XYLT1: variants seen among roughly 807,000 people sequenced by gnomAD.
XYLT1 encodes xylosyltransferase 1.
Under a neutral mutation model 91.3 loss-of-function variants are expected in XYLT1, and 36 were observed. The ratio of observed to expected loss-of-function variants is 0.39; its 90% CI spans 0.30 to 0.52. The LOEUF is 0.52. Ranked by LOEUF, XYLT1 falls within the 20% of genes least tolerant of loss-of-function variation. The pLI, the probability that XYLT1 is intolerant of heterozygous loss-of-function variation, is 0.68. For missense variants in XYLT1, 1,242 were observed against 1,284.5 expected (o/e 0.97, Z 0.51); for synonymous variants, 588 against 532.0 (o/e 1.11, Z -1.45).
At chr16:17,394,767 C>A (rs1356326592) in intron 1 of XYLT1, among the ~76,000 whole-genome samples, 2 of 152,112 alleles carry the variant, frequency 1.3e-5, no homozygotes, top group Non-Finnish European at 2.9e-5. Context: ...TACCTATAGG[C>A]AAAAGGTCAG....
At chr16:17,260,247 A>G (rs1221633550) in intron 2 of XYLT1, among the ~76,000 whole-genome samples, 1 of 152,104 alleles carries the variant, frequency 6.6e-6, no homozygotes, top group African/African-American at 2.4e-5. Context: ...GAAGGGCTGG[A>G]CCCCAAACTC....
intron 1 of XYLT1, among the ~76,000 whole-genome samples, chr16:17,451,649 G>A (rs2036667197): frequency 6.6e-6 from 1 of 152,172 alleles, no homozygotes; most frequent in Admixed American, 6.5e-5. Flanking sequence ...GATTATCAAT[G>A]GCTGTTGCTG....
intron 1 of XYLT1, among the ~76,000 whole-genome samples, chr16:17,407,548 C>A (rs1238292868): frequency 6.6e-6 from 1 of 152,212 alleles, no homozygotes; most frequent in Admixed American, 6.5e-5. Flanking sequence ...TCCTGCTCAG[C>A]CTCCCATGTG....
intron 2 of XYLT1, among the ~76,000 whole-genome samples, chr16:17,348,572 ATGT>A (rs1306585977): frequency 4.6e-5 from 7 of 152,042 alleles, no homozygotes; most frequent in Non-Finnish European, 8.8e-5. Flanking sequence ...TCGCCAAGGG[ATGT>A]TGTTATGAGG....
At chr16:17,160,044 A>G (rs554025183) in intron 5 of XYLT1, among the ~76,000 whole-genome samples, 64 of 152,378 alleles carry the variant, frequency 4.2e-4, no homozygotes, top group African/African-American at 1.4e-3. Flanking sequence ...TGGGGTTATA[A>G]TAGAAGCTAG....
intron 4 of XYLT1, among the ~76,000 whole-genome samples, chr16:17,199,911 A>G (rs1212765745): frequency 6.6e-6 from 1 of 152,126 alleles, no homozygotes; most frequent in Non-Finnish European, 1.5e-5. Context: ...GGCATTGGGT[A>G]GAGGGGAGAG....
At chr16:17,247,053 A>C (rs182847152) in intron 3 of XYLT1, among the ~76,000 whole-genome samples, 162 of 152,310 alleles carry the variant, frequency 1.1e-3, no homozygotes, top group African/African-American at 3.7e-3. Context: ...ACTGCCAAGT[A>C]ATTTGAGAGA....
intron 1 of XYLT1, among the ~76,000 whole-genome samples, chr16:17,379,990 T>A (rs56237557): frequency 0.31 from 46,507 of 152,074 alleles, 7,674 homozygotes; most frequent in Non-Finnish European, 0.38. Flanking sequence ...GCAACAATGC[T>A]AAGAGGTGGT....
chr16:17,460,758 A>C (rs1221455304), intron 1 of XYLT1, among the ~76,000 whole-genome samples: 1 of 152,132 alleles, frequency 6.6e-6, no homozygotes, highest in Non-Finnish European at 1.5e-5. Context: ...AATTCCAAAA[A>C]TCTACGCTGT....
intron 3 of XYLT1, among the ~76,000 whole-genome samples, chr16:17,202,693 C>G (rs1246849316): frequency 6.6e-6 from 1 of 152,180 alleles, no homozygotes; most frequent in East Asian, 1.9e-4. Context: ...TTCACCTCAC[C>G]GGATTTCAAC....
chr16:17,177,503 G>A (rs1453924172), intron 5 of XYLT1, among the ~76,000 whole-genome samples: 1 of 152,126 alleles, frequency 6.6e-6, no homozygotes, highest in Non-Finnish European at 1.5e-5. Flanking sequence ...TGGTTCTATT[G>A]GTGTCTGTAA....
chr16:17,115,480 ATTCT>A (rs1306420377), intron 11 of XYLT1, among the ~76,000 whole-genome samples: 1 of 60,278 alleles, frequency 1.7e-5, no homozygotes, highest in East Asian at 5.9e-4. Flanking sequence ...CCTGACCTAA[ATTCT>A]TTTTTTTTTT....
At chr16:17,424,704 C>T (rs182965649) in intron 1 of XYLT1, among the ~76,000 whole-genome samples, 1 of 151,986 alleles carries the variant, frequency 6.6e-6, no homozygotes, top group East Asian at 1.9e-4. Flanking sequence ...CCCGTCTTTA[C>T]TAAAAATACA....
intron 2 of XYLT1, among the ~76,000 whole-genome samples, chr16:17,280,743 T>C (rs1414192293): frequency 6.6e-6 from 1 of 152,222 alleles, no homozygotes; most frequent in Non-Finnish European, 1.5e-5. Context: ...TTTGTGTATC[T>C]GTAAGTTTGA....
Position 17,438,817 on chromosome 16 carries a change from A to G in XYLT1, c.363+31617T>C, listed in dbSNP as rs373372580. On this transcript the variant is annotated intron_variant, in intron 1 of 11. Coordinates refer to ENST00000261381, the MANE Select transcript of XYLT1 (RefSeq NM_022166.4). ...CTCACTCATTATCACGAGAACAGTAAGGGGAAAGTCCGCCCCCATGATCCA... is the reference window on the plus strand; with the variant it reads ...CTCACTCATTATCACGAGAACAGTAGGGGGAAAGTCCGCCCCCATGATCCA... 2.6e-5 allele frequency among the ~76,000 whole-genome samples: 4 copies of G among 152,170 alleles called. No individual in the cohort carries two copies. The East Asian group carries it at 7.8e-4, about 30-fold the overall frequency.
intron 2 of XYLT1, among the ~76,000 whole-genome samples, chr16:17,283,402 G>A (rs4782013): frequency 0.56 from 84,724 of 152,010 alleles, 25,094 homozygotes; most frequent in African/African-American, 0.74. Flanking sequence ...GAGGAAGGGT[G>A]CAGAATGTGA....
intron 5 of XYLT1, among the ~76,000 whole-genome samples, chr16:17,188,324 C>T (rs753359186): frequency 6.6e-6 from 1 of 152,210 alleles, no homozygotes; most frequent in Non-Finnish European, 1.5e-5. Flanking sequence ...CGCTCACAGA[C>T]TGAGGCTTTA....
chr16:17,142,796 T>C (rs1474473376), intron 6 of XYLT1, among the ~76,000 whole-genome samples: 2 of 152,096 alleles, frequency 1.3e-5, no homozygotes, highest in African/African-American at 4.8e-5. Context: ...TAGAGGTATC[T>C]GCACCAACTA....
chr16:17,271,733 TG>T (rs2033898147), intron 2 of XYLT1, among the ~76,000 whole-genome samples: 1 of 151,606 alleles, frequency 6.6e-6, no homozygotes. Context: ...GGAGTAGGAG[TG>T]GGGCAAAATC....
Sources: gnomAD v4.1 joint callset for allele counts (sites outside exome capture counted in the v4.1 genomes callset) on GRCh38, gnomAD v4.1.1 for gene constraint, MANE v1.5 for transcripts, NCBI Gene and HGNC (gene_info 2026-07-23, HGNC 2026-07-21) for gene names.